ALCAM: variants seen among roughly 807,000 people sequenced by gnomAD.
ALCAM encodes CD166 antigen.
ALCAM carries 30 observed loss-of-function variants against 70.9 expected under a neutral mutation model. The observed-to-expected ratio is 0.42, with a 90% CI of 0.32 to 0.57. The LOEUF (loss-of-function observed/expected upper bound fraction) is 0.57, where lower values mean the gene tolerates loss of function less well. Ranked by LOEUF, ALCAM falls within the 20% of genes least tolerant of loss-of-function variation. The probability of loss-of-function intolerance (pLI) is 0.11; values close to 1 mark genes in which losing one functional copy is unlikely to be tolerated. For synonymous variants in ALCAM, 249 were observed against 242.5 expected (o/e 1.03, Z -0.25); for missense variants, 591 against 695.1 (o/e 0.85, Z 1.68).
chr3:105,454,897 C>A (rs959500390), intron 1 of ALCAM, among the ~76,000 whole-genome samples: 1 of 151,422 alleles, frequency 6.6e-6, no homozygotes, highest in Admixed American at 6.6e-5. Flanking sequence ...CCAGGCTGGT[C>A]TCAAACTCTT....
At chr3:105,527,126 C>T (rs1425038534) in intron 3 of ALCAM, among the ~76,000 whole-genome samples, 1 of 152,160 alleles carries the variant, frequency 6.6e-6, no homozygotes, top group African/African-American at 2.4e-5. Context: ...CACCACTAAT[C>T]AGCTTTTTTC....
chr3:105,456,786 A>G (rs964187069), intron 1 of ALCAM, among the ~76,000 whole-genome samples: 1 of 152,196 alleles, frequency 6.6e-6, no homozygotes, highest in Non-Finnish European at 1.5e-5. Context: ...AGACAAATGC[A>G]TAAGAGCTTC....
intron 1 of ALCAM, among the ~76,000 whole-genome samples, chr3:105,461,096 A>G (rs926318197): frequency 1.3e-5 from 2 of 151,518 alleles, no homozygotes; most frequent in Non-Finnish European, 1.5e-5. Context: ...AATCTCACAT[A>G]TCTCACATGT....
chr3:105,533,263 T>C (rs997966020), intron 4 of ALCAM, among the ~76,000 whole-genome samples: 1 of 152,152 alleles, frequency 6.6e-6, no homozygotes. Flanking sequence ...ATGGTAATAG[T>C]CAGTGTTAAT....
At chr3:105,520,202 C>G (rs1029671468) in intron 2 of ALCAM, 35 bp downstream of exon 2, 2 of 1,407,426 alleles carry the variant, frequency 1.4e-6, no homozygotes, top group African/African-American at 2.8e-5. Flanking sequence ...GGTTAATTGC[C>G]CTTGTTCTTT....
chr3:105,552,539 G>A lies in ALCAM; in HGVS notation c.1618G>A (p.Ala540Thr), dbSNP rs200734498. 6.2e-7 allele frequency: 1 copy of A among 1,611,726 alleles called. No individual in the cohort carries two copies. Among genetic ancestry groups the A allele is most frequent in the South Asian group, 1.1e-5 (1 of 91,032 alleles). Residue 540 changes from alanine to threonine, a missense_variant, in exon 14 of 16, where the codon GCC becomes ACC. Transcript: ENST00000306107. The part of the protein sequence containing the change: ...VGIVVGLLLA[A>T]LVAGVVYWLY... ...AATCGTTGTTGGTCTCCTCCTTGCT[G>A]CCCTTGTTGCTGGTGTCGTCTACTG...
intron 1 of ALCAM, among the ~76,000 whole-genome samples, chr3:105,413,487 T>C (rs1050748854): frequency 6.6e-6 from 1 of 152,148 alleles, no homozygotes; most frequent in Non-Finnish European, 1.5e-5. Flanking sequence ...TGCTGTAGGC[T>C]AGAATATGCG....
intron 14 of ALCAM, among the ~76,000 whole-genome samples, chr3:105,562,032 T>TA (rs1482418976): frequency 9.2e-5 from 14 of 152,224 alleles, no homozygotes; most frequent in Admixed American, 9.2e-4. Flanking sequence ...GTCAGGCTGA[T>TA]ATCACATAGC....
intron 14 of ALCAM, among the ~76,000 whole-genome samples, chr3:105,561,678 T>A (rs1439227346): frequency 6.6e-6 from 1 of 152,180 alleles, no homozygotes; most frequent in East Asian, 1.9e-4. Flanking sequence ...ATGCAAGTTT[T>A]GGTGTTTCCC....
chr3:105,403,121 A>G (rs1936132903), intron 1 of ALCAM, among the ~76,000 whole-genome samples: 1 of 151,352 alleles, frequency 6.6e-6, no homozygotes, highest in Non-Finnish European at 1.5e-5. Flanking sequence ...CAATTTTTGT[A>G]TTTTCAGTAG....
In ALCAM at chr3:105,574,417, G is replaced by A. The variant is rs543044867; in HGVS notation, c.*26-60G>A. The A allele has an allele frequency of 3.3e-5, 5 of 152,104 alleles. No homozygotes were observed. In the South Asian group the frequency reaches 1.0e-3, roughly 32 times the overall value. 9.4% of individuals were successfully genotyped at this position (152,104 alleles called of 1,614,324 possible). ...AAATTACTTTTAGTACAAAGTATCTGTTGATGTTAAAAAATTATTGCTTTG... is the reference window on the plus strand; with the variant it reads ...AAATTACTTTTAGTACAAAGTATCTATTGATGTTAAAAAATTATTGCTTTG... On this transcript the variant is annotated intron_variant, in intron 15 of 15. Transcript: ENST00000306107.
intron 1 of ALCAM, among the ~76,000 whole-genome samples, chr3:105,502,616 A>G (rs150740901): frequency 6.6e-6 from 1 of 152,386 alleles, no homozygotes; most frequent in Non-Finnish European, 1.5e-5. Context: ...TGGGAAAGAA[A>G]GACAGGAACA....
intron 1 of ALCAM, among the ~76,000 whole-genome samples, chr3:105,493,524 A>G (rs1222627249): frequency 2.6e-5 from 4 of 152,296 alleles, no homozygotes; most frequent in East Asian, 1.9e-4. Context: ...ACCTAATTAC[A>G]TGAGGCCTTA....
chr3:105,396,988 T>G (rs1324608818), intron 1 of ALCAM, among the ~76,000 whole-genome samples: 1 of 152,108 alleles, frequency 6.6e-6, no homozygotes, highest in African/African-American at 2.4e-5. Flanking sequence ...GAATTAATTT[T>G]TCAAAATAAC....
intron 1 of ALCAM, among the ~76,000 whole-genome samples, chr3:105,397,024 G>A (rs1935970834): frequency 6.6e-6 from 1 of 151,860 alleles, no homozygotes; most frequent in African/African-American, 2.4e-5. Context: ...TATATCAATT[G>A]GTGTGCTACA....
At chr3:105,553,366 A>T (rs866189283) in intron 14 of ALCAM, among the ~76,000 whole-genome samples, 1 of 151,802 alleles carries the variant, frequency 6.6e-6, no homozygotes, top group Non-Finnish European at 1.5e-5. Flanking sequence ...ACTTTTAAAA[A>T]GTTTCACTGG....
intron 1 of ALCAM, among the ~76,000 whole-genome samples, chr3:105,387,112 A>G (rs1463243952): frequency 6.6e-6 from 1 of 151,604 alleles, no homozygotes; most frequent in Non-Finnish European, 1.5e-5. Flanking sequence ...AGAATAACTG[A>G]GGACTAATTA....
intron 1 of ALCAM, among the ~76,000 whole-genome samples, chr3:105,499,085 C>G (rs1256277506): frequency 6.6e-6 from 1 of 152,020 alleles, no homozygotes; most frequent in Non-Finnish European, 1.5e-5. Context: ...TACAATAGTA[C>G]AATATCACTA....
At chr3:105,423,660 A>G (rs1194579105) in intron 1 of ALCAM, among the ~76,000 whole-genome samples, 1 of 151,542 alleles carries the variant, frequency 6.6e-6, no homozygotes, top group Non-Finnish European at 1.5e-5. Flanking sequence ...AACACTTGCA[A>G]ATATTTCGCT....
Sources: allele counts gnomAD v4.1 joint callset (sites outside exome capture counted in the v4.1 genomes callset), GRCh38; gene constraint gnomAD v4.1.1; transcripts MANE v1.5; gene names NCBI Gene and HGNC (gene_info 2026-07-23, HGNC 2026-07-21).